Variants in EHBP1 observed in about 807,000 individuals in gnomAD.
EHBP1 encodes the protein EH domain binding protein 1.
EHBP1 carries 55 observed loss-of-function variants against 144.0 expected under a neutral mutation model. That is an observed-to-expected ratio of 0.38 (90% CI 0.31 to 0.48). EHBP1 has a LOEUF of 0.48. EHBP1 is among the 20% of genes least tolerant of loss of function. EHBP1 has a pLI of 0.98. For missense variants in EHBP1, 1,200 were observed against 1,364.2 expected, an observed-to-expected ratio of 0.88 and a Z score of 1.90; for synonymous variants, 469 against 472.7, an observed-to-expected ratio of 0.99 and a Z score of 0.10.
At chr2:63,034,392 T>C (rs888673091) in intron 19 of EHBP1, among the ~76,000 whole-genome samples, 10 of 152,064 alleles carry the variant, frequency 6.6e-5, no homozygotes, top group African/African-American at 2.4e-4. Context: ...AGGATTATTG[T>C]TGGTCTAGGT....
intron 5 of EHBP1, among the ~76,000 whole-genome samples, chr2:62,798,309 AGTGAGCTGGG>A (rs1020716895): frequency 3.0e-4 from 45 of 152,102 alleles, no homozygotes; most frequent in African/African-American, 1.0e-3. Flanking sequence ...CAGAGGTTGC[AGTGAGCTGGG>A]GTTACGCCAC....
chr2:62,729,419 A>T (rs1294300123), intron 2 of EHBP1, among the ~76,000 whole-genome samples: 1 of 106,154 alleles, frequency 9.4e-6, no homozygotes, highest in Admixed American at 1.3e-4. Flanking sequence ...TAATAATAAT[A>T]ATATAATATA....
At position 63,045,007 on chromosome 2, in the gene EHBP1, C is replaced by A. The variant is rs767233556; in HGVS notation, c.3278-59C>A. On this transcript the variant is annotated intron_variant, in intron 21 of 22. Coordinates refer to ENST00000431489, the MANE Select transcript of EHBP1 (RefSeq NM_001142616.3). This position sits in a 1 kb window ranked among gnomAD's most constrained non-coding sequence, Gnocchi z 5.7. ...ACTGGAAAAGGCGGGAAGGGGAGGG[C>A]GGGGGGCCGGGTGTTCGGAGGCCCT... 5.1e-4 allele frequency: 620 copies of A among 1,226,540 alleles called. No homozygotes were observed. The highest frequency in any genetic ancestry group is 6.9e-4 in the Non-Finnish European group (602 of 876,122). The allele number at this position is 1,226,540 out of a possible 1,614,324, so 76.0% of individuals were successfully genotyped here.
chr2:62,840,585 A>C (rs569402863), intron 7 of EHBP1, among the ~76,000 whole-genome samples: 1 of 151,740 alleles, frequency 6.6e-6, no homozygotes, highest in Non-Finnish European at 1.5e-5. Flanking sequence ...TTCGCAACCT[A>C]CTCATCTGAC....
intron 8 of EHBP1, among the ~76,000 whole-genome samples, chr2:62,860,534 A>G (rs894989802): frequency 1.3e-5 from 2 of 152,202 alleles, no homozygotes; most frequent in Non-Finnish European, 2.9e-5. Flanking sequence ...GAGGCAGTCA[A>G]CTACCTCTTT....
At chr2:62,819,485 C>T (rs2045718379) in intron 5 of EHBP1, among the ~76,000 whole-genome samples, 1 of 152,170 alleles carries the variant, frequency 6.6e-6, no homozygotes, top group Non-Finnish European at 1.5e-5. Context: ...CAGCCGGGCA[C>T]AGTGGCTCAT....
chr2:62,872,019 T>C (rs1040111564), intron 9 of EHBP1: 2 of 152,198 alleles, frequency 1.3e-5, no homozygotes, highest in African/African-American at 2.4e-5. Flanking sequence ...AAACCTTTCA[T>C]TGAATTTTAT....
intron 2 of EHBP1, among the ~76,000 whole-genome samples, chr2:62,746,315 T>C (rs2039147686): frequency 6.6e-6 from 1 of 152,094 alleles, no homozygotes; most frequent in Non-Finnish European, 1.5e-5. Flanking sequence ...TATAACTCTC[T>C]CTAGATAGCA....
intron 1 of EHBP1, among the ~76,000 whole-genome samples, chr2:62,682,526 A>T (rs1388026881): frequency 6.6e-6 from 1 of 152,228 alleles, no homozygotes; most frequent in East Asian, 1.9e-4. Flanking sequence ...TGCACCAAGA[A>T]AATCCTATAC....
chr2:62,729,290 A>G lies in EHBP1; in HGVS notation c.105-18105A>G, dbSNP rs557524528. ...ATATGTGGTCATTTAGATTTTGCAC[A>G]TATAATATTTTATAATATAATATAA... On this transcript the variant is annotated intron_variant, in intron 2 of 22. Coordinates refer to ENST00000431489, the MANE Select transcript of EHBP1 (RefSeq NM_001142616.3). Among the ~76,000 whole-genome samples the G allele has an allele frequency of 8.9e-5, 12 of 134,128 alleles. No homozygotes were observed. The South Asian group carries it at 2.6e-3, about 29-fold the overall frequency. The allele number at this position is 134,128 out of a possible 152,430, so 88.0% of individuals were successfully genotyped here. A position where few individuals can be genotyped will look rare whatever the true frequency, so the allele number is the denominator to read the frequency against.
At chr2:62,795,247 C>T (rs1157129431) in intron 5 of EHBP1, among the ~76,000 whole-genome samples, 1 of 151,996 alleles carries the variant, frequency 6.6e-6, no homozygotes, top group Non-Finnish European at 1.5e-5. Flanking sequence ...CTGCCTCTTC[C>T]TTCCTCCCTC....
chr2:62,858,364 T>C (rs755327483), intron 7 of EHBP1: 1 of 1,349,328 alleles, frequency 7.4e-7, no homozygotes, highest in South Asian at 1.3e-5. Context: ...TTTAATTAAA[T>C]GACCTTACCT....
chr2:62,715,187 TC>T (rs1238649127), intron 2 of EHBP1, among the ~76,000 whole-genome samples: 1 of 152,194 alleles, frequency 6.6e-6, no homozygotes, highest in Non-Finnish European at 1.5e-5. Context: ...CAATCTTGGC[TC>T]ACTGCAGCCT....
intron 2 of EHBP1, among the ~76,000 whole-genome samples, chr2:62,723,636 T>C (rs943721709): frequency 6.6e-5 from 10 of 152,228 alleles, no homozygotes; most frequent in Admixed American, 2.0e-4. Flanking sequence ...TTTCCATATA[T>C]AGTGTTTCCT....
chr2:62,992,694 C>G (rs1206485687), intron 16 of EHBP1, among the ~76,000 whole-genome samples: 1 of 152,068 alleles, frequency 6.6e-6, no homozygotes, highest in Non-Finnish European at 1.5e-5. Context: ...GATTCTGTAT[C>G]CCAGGCCTCC....
chr2:62,862,344 C>G (rs1009691012), intron 8 of EHBP1, among the ~76,000 whole-genome samples: 109 of 152,312 alleles, frequency 7.2e-4, no homozygotes, highest in African/African-American at 2.5e-3. Context: ...CATGGTGGCT[C>G]ACACCTGTAA....
chr2:62,753,815 A>G (rs910633271), intron 3 of EHBP1, among the ~76,000 whole-genome samples: 1 of 152,136 alleles, frequency 6.6e-6, no homozygotes, highest in African/African-American at 2.4e-5. Context: ...TTTGTCACGT[A>G]GTTCTCATGC....
At chr2:62,690,688 TC>T (rs1269431938) in intron 1 of EHBP1, among the ~76,000 whole-genome samples, 3 of 152,118 alleles carry the variant, frequency 2.0e-5, no homozygotes, top group Admixed American at 6.5e-5. Flanking sequence ...AAACTTTGTC[TC>T]CTACCAGGGA....
intron 1 of EHBP1, among the ~76,000 whole-genome samples, chr2:62,691,389 GA>G (rs1239256508): frequency 6.6e-6 from 1 of 152,148 alleles, no homozygotes; most frequent in Non-Finnish European, 1.5e-5. Context: ...CAACAGAAAG[GA>G]AAGGCACACT....
Sources: gnomAD v4.1 joint callset for allele counts (sites outside exome capture counted in the v4.1 genomes callset) on GRCh38, gnomAD v4.1.1 for gene constraint, Gnocchi (gnomAD v3.1) non-coding constraint, MANE v1.5 for transcripts, NCBI Gene and HGNC (gene_info 2026-07-23, HGNC 2026-07-21) for gene names.